Variants in LIMS1 observed in about 807,000 individuals in gnomAD.
LIMS1 encodes LIM zinc finger domain containing 1, also known as LIM and senescent cell antigen-like-containing domain protein 1.
A neutral mutation model predicts 44.1 loss-of-function variants in LIMS1; 18 were observed. The ratio of observed to expected loss-of-function variants is 0.41; its 90% CI spans 0.28 to 0.61. The LOEUF (loss-of-function observed/expected upper bound fraction) is 0.61. Among genes scored for constraint, LIMS1 ranks in the 20% least tolerant of loss-of-function variants. LIMS1 has a pLI of 0.32. For missense variants in LIMS1, 201 were observed against 422.0 expected, an observed-to-expected ratio of 0.48 and a Z score of 4.59; for synonymous variants, 93 against 149.1, an observed-to-expected ratio of 0.62 and a Z score of 2.74.
chr2:108,610,147 AATGT>A (rs1573439021), intron 1 of LIMS1, among the ~76,000 whole-genome samples: 4 of 122,520 alleles, frequency 3.3e-5, no homozygotes, highest in Non-Finnish European at 5.0e-5. Flanking sequence ...TGTTACAAAA[AATGT>A]GTGTGTGTGT....
intron 1 of LIMS1, among the ~76,000 whole-genome samples, chr2:108,556,607 C>T (rs537160185): frequency 7.9e-5 from 12 of 152,308 alleles, no homozygotes; most frequent in African/African-American, 2.6e-4. Context: ...TGCTTTTTCT[C>T]TTTCTCTCCT....
intron 1 of LIMS1, among the ~76,000 whole-genome samples, chr2:108,637,208 C>G (rs369358997): frequency 1.3e-5 from 2 of 148,780 alleles, no homozygotes; most frequent in East Asian, 4.0e-4. Context: ...GCAGTAAAAT[C>G]TACACAAAAC....
chr2:108,548,445 C>T (rs1231531760), intron 1 of LIMS1, among the ~76,000 whole-genome samples: 2 of 152,156 alleles, frequency 1.3e-5, no homozygotes, highest in African/African-American at 2.4e-5. Flanking sequence ...TAACCCTGAG[C>T]ATGTGGTATA....
chr2:108,665,766 T>C (rs1373202159), intron 2 of LIMS1, among the ~76,000 whole-genome samples: 1 of 152,000 alleles, frequency 6.6e-6, no homozygotes, highest in Non-Finnish European at 1.5e-5. Flanking sequence ...TCTCATTATC[T>C]GCCCACCTCG....
chr2:108,576,124 T>G (rs935987257), intron 1 of LIMS1, among the ~76,000 whole-genome samples: 6 of 152,234 alleles, frequency 3.9e-5, no homozygotes, highest in African/African-American at 1.4e-4. Flanking sequence ...TTAGTATTTA[T>G]GTATGTGAAA....
chr2:108,613,329 G>A lies in LIMS1; in HGVS notation c.33-46276G>A, dbSNP rs6729163. 1.0e-3 allele frequency among the ~76,000 whole-genome samples: 157 copies of A among 152,266 alleles called. 2 individuals are homozygous for A. The highest frequency in any genetic ancestry group is 3.5e-3 in the South Asian group (17 of 4,818). On this transcript the variant is annotated intron_variant, in intron 1 of 9. Coordinates refer to ENST00000544547, the Ensembl canonical transcript of LIMS1. The stretch of plus-strand genomic sequence containing the variant: ...GTCAAAGTAGGTTTAAAACGCTTAC[G>A]TTTCTGTGGACAAGATTAAGGCAAC...
At chr2:108,680,011 G>T (rs1244129437) in intron 8 of LIMS1, among the ~76,000 whole-genome samples, 1 of 151,942 alleles carries the variant, frequency 6.6e-6, no homozygotes, top group Admixed American at 6.6e-5. Flanking sequence ...GATTGCTTGA[G>T]CCCAGGAGTT....
chr2:108,682,728 C>T (rs926585547), intron 9 of LIMS1, among the ~76,000 whole-genome samples: 1 of 152,026 alleles, frequency 6.6e-6, no homozygotes, highest in African/African-American at 2.4e-5. Flanking sequence ...CTAACATTGT[C>T]CTTTAAAATG....
chr2:108,560,195 C>T (rs534228820), intron 1 of LIMS1, among the ~76,000 whole-genome samples: 20 of 152,216 alleles, frequency 1.3e-4, no homozygotes, highest in Middle Eastern at 3.4e-3. Flanking sequence ...AGCTTCCTAA[C>T]GAGTTTCCCT....
chr2:108,543,014 C>A (rs754216003), intron 1 of LIMS1, among the ~76,000 whole-genome samples: 3 of 152,128 alleles, frequency 2.0e-5, no homozygotes, highest in Non-Finnish European at 2.9e-5. Context: ...AATTTGTGTC[C>A]ATTATATACA....
intron 1 of LIMS1, among the ~76,000 whole-genome samples, chr2:108,624,577 TGAAACCCCA>T (rs1688451875): frequency 7.0e-6 from 1 of 143,854 alleles, no homozygotes; most frequent in South Asian, 2.2e-4. Flanking sequence ...GCCAACGTGG[TGAAACCCCA>T]TCTCTACTAA....
chr2:108,586,720 G>A (rs764366991), intron 1 of LIMS1, among the ~76,000 whole-genome samples: 1 of 152,140 alleles, frequency 6.6e-6, no homozygotes, highest in East Asian at 1.9e-4. Context: ...GCAGCATCAC[G>A]AGCTGCCTTC....
At chr2:108,603,646 GT>G (rs370547174) in intron 1 of LIMS1, among the ~76,000 whole-genome samples, 3 of 151,836 alleles carry the variant, frequency 2.0e-5, no homozygotes, top group African/African-American at 4.8e-5. Context: ...ATTTGACAGA[GT>G]TTTAGCTCTT....
chr2:108,567,927 A>G (rs1685350212), intron 1 of LIMS1, among the ~76,000 whole-genome samples: 1 of 152,180 alleles, frequency 6.6e-6, no homozygotes, highest in Non-Finnish European at 1.5e-5. Context: ...TGCTACTTGC[A>G]ATTTTCACTT....
In LIMS1 at chr2:108,618,351, A is replaced by G. The variant is rs565207137; in HGVS notation, c.33-41254A>G. 5.9e-5 allele frequency among the ~76,000 whole-genome samples: 9 copies of G among 152,240 alleles called. No individual in the cohort carries two copies. In the South Asian group the frequency reaches 1.9e-3, roughly 32 times the overall value. On this transcript the variant is annotated intron_variant, in intron 1 of 9. Transcript: ENST00000544547. ...AGGCATAATTAATAATTCCATCTCC[A>G]TGGGAAAGTACATTTGAAAGGAAAA...
intron 1 of LIMS1, among the ~76,000 whole-genome samples, chr2:108,593,670 A>G (rs1229627022): frequency 6.6e-6 from 1 of 152,242 alleles, no homozygotes; most frequent in Non-Finnish European, 1.5e-5. Context: ...CATGGGGATG[A>G]TTCAACTCTT....
Position 108,670,799 on chromosome 2 carries a change from T to C in LIMS1, c.211T>C (p.Cys71Arg), listed in dbSNP as rs369055068. Residue 71 changes from cysteine (C) to arginine (R), a missense_variant, in exon 3 of 10, where the codon TGT (cysteine) becomes CGT (arginine). This residue lies in a region of LIMS1 where 101 missense variants were observed against 215.2 expected (regional missense o/e 0.47). Coordinates refer to ENST00000544547, the Ensembl canonical transcript of LIMS1. ...CTTTCAGTTTGAAGGAAGAAAGTAC[T>C]GTGAACATGACTTTCAGATGCTCTT... 5.5e-5 allele frequency: 88 copies of C among 1,611,746 alleles called. No individual in the cohort carries two copies. The highest frequency in any genetic ancestry group is 7.2e-5 in the Non-Finnish European group (85 of 1,179,804).
intron 2 of LIMS1, among the ~76,000 whole-genome samples, chr2:108,663,521 A>G (rs1691514786): frequency 6.6e-6 from 1 of 152,202 alleles, no homozygotes; most frequent in Non-Finnish European, 1.5e-5. Context: ...AGCGGAGCCA[A>G]CAGTTACAAG....
At chr2:108,560,880 A>G (rs1449102733) in intron 1 of LIMS1, among the ~76,000 whole-genome samples, 2 of 152,160 alleles carry the variant, frequency 1.3e-5, no homozygotes, top group African/African-American at 2.4e-5. Flanking sequence ...TGCCTGAAGT[A>G]TACTTTTAGT....
Sources: gnomAD v4.1 joint callset for allele counts (sites outside exome capture counted in the v4.1 genomes callset) on GRCh38, gnomAD v4.1.1 for gene constraint, gnomAD v4.1.1 regional missense constraint, MANE v1.5 for transcripts, NCBI Gene and HGNC (gene_info 2026-07-23, HGNC 2026-07-21) for gene names.